The following ZNF318 variants were observed in gnomAD, a reference collection of about 807,000 sequenced individuals.
ZNF318 encodes the protein endocrine regulator.
ZNF318 carries 51 observed loss-of-function variants against 124.2 expected under a neutral mutation model. The observed-to-expected ratio is 0.41, with a 90% confidence interval of 0.33 to 0.52. ZNF318 has a LOEUF of 0.52. Ranked by LOEUF, ZNF318 falls within the 20% of genes least tolerant of loss-of-function variation. The pLI is 0.23. For missense variants in ZNF318, 2,815 were observed against 2,811.2 expected (o/e 1.00, Z -0.03); for synonymous variants, 1,090 against 1,040.7 (o/e 1.05, Z -0.91).
chr6:43,344,577 T>C (rs1490472658), intron 6 of ZNF318, among the ~76,000 whole-genome samples: 2 of 152,222 alleles, frequency 1.3e-5, no homozygotes, highest in Non-Finnish European at 2.9e-5. Context: ...AATATCACTT[T>C]ATCCAAAATA....
rs751343767 is a variant in ZNF318 at position 43,357,380 on chromosome 6, C to T, written c.934G>A (p.Asp312Asn). Residue 312 changes from aspartate to asparagine, a missense_variant, in exon 3 of 10, where the codon GAC becomes AAC. Physicochemically the swap from Asp to Asn is conservative, Grantham distance 23. Transcript: ENST00000361428. Reference sequence around the variant, plus strand: ...AGATCCAGTTCTCGAAACTCAGGGTCGAGAAACCTAGGACTTGGGCTTCTT... The same window carrying T: ...AGATCCAGTTCTCGAAACTCAGGGTTGAGAAACCTAGGACTTGGGCTTCTT... The part of the protein sequence containing the change: ...RRRSPSPRFL[D>N]PEFRELDLAR... 9 of 1,614,024 alleles carry T rather than the reference C, an allele frequency of 5.6e-6. No homozygotes were observed. In the East Asian group the frequency reaches 6.7e-5, roughly 12 times the overall value.
Position 43,354,771 on chromosome 6 carries a change from A to G in ZNF318, c.2563T>C (p.Ser855Pro), listed in dbSNP as rs377680520. 175 of 1,614,062 alleles carry G rather than the reference A, an allele frequency of 1.1e-4. No homozygotes were observed. The highest frequency in any genetic ancestry group is 1.5e-4 in the Non-Finnish European group (172 of 1,180,034). ...ACAGGCACTTGGGCCGCAGGAATTG[A>G]GCCTCGCAGAGACTCTTTCTGCTTA... ...KPKQKESLRG[S>P]IPAAQVPVQV... Residue 855 changes from serine to proline, a missense_variant, in exon 4 of 10, where the codon TCA becomes CCA. Ser to Pro is a moderately conservative substitution (Grantham distance 74). Around this residue, in one of 4 missense-constraint regions of ZNF318, gnomAD observed 1,377 missense variants for 1,353.5 expected, o/e 1.02. Transcript: ENST00000361428.
chr6:43,352,518 A>G (rs1271267899), intron 4 of ZNF318, 42 bp from the exon 5 acceptor site: 4 of 1,551,482 alleles, frequency 2.6e-6, no homozygotes, highest in Non-Finnish European at 8.9e-7. Context: ...CTCCTCCAAC[A>G]TTCTCTTTTC....
chr6:43,350,611 TCAG>T lies in ZNF318; in HGVS notation c.2770+1763_2770+1765del, dbSNP rs563783669. Reference sequence around the variant, plus strand: ...CTAGCACTTTGGGAGGCTGCAGAGCTCAGGAGTTTTGAGACCAGCCTTGGCAAC... The same window carrying T: ...CTAGCACTTTGGGAGGCTGCAGAGCTGAGTTTTGAGACCAGCCTTGGCAAC... On this transcript the variant is annotated intron_variant, in intron 5 of 9. Coordinates refer to ENST00000361428, the MANE Select transcript of ZNF318 (RefSeq NM_014345.3). Among the ~76,000 whole-genome samples, 8 of 151,704 alleles carry T rather than the reference TCAG, an allele frequency of 5.3e-5. No homozygotes were observed. The South Asian group carries it at 1.0e-3, about 20-fold the overall frequency.
rs773179598 is a variant in ZNF318, at chr6:43,338,903, A to T, written c.5095T>A (p.Trp1699Arg). The T allele has an allele frequency of 1.4e-5, 22 of 1,614,022 alleles. No homozygotes were observed. Among genetic ancestry groups the T allele is most frequent in the Non-Finnish European group, 1.8e-5 (21 of 1,180,036 alleles). Residue 1699 changes from tryptophan to arginine, a missense_variant, in exon 10 of 10, where the codon TGG becomes AGG. Physicochemically the swap from Trp to Arg is moderately radical, Grantham distance 101. Transcript: ENST00000361428. ...TCACTCTGGAAGGAACTAGAGGTCC[A>T]TATGGCCAAAGTGTCTGTCTTTGGG... ...ITPKTDTLAIWTSSSFQSDTS... is the reference protein window; with the variant it reads ...ITPKTDTLAIRTSSSFQSDTS...
chr6:43,365,195 G>A, intron 2 of ZNF318, 97 bp downstream of exon 2: 11 of 1,379,690 alleles, frequency 8.0e-6, no homozygotes, highest in South Asian at 4.1e-5. Context: ...AATAACTTTA[G>A]AGCTGGCACC....
At chr6:43,353,673 C>T (rs1779564477) in intron 4 of ZNF318, among the ~76,000 whole-genome samples, 1 of 152,164 alleles carries the variant, frequency 6.6e-6, no homozygotes, top group Non-Finnish European at 1.5e-5. Context: ...CACGCCCAGC[C>T]AGGTCTTAAC....
At chr6:43,363,777 G>A in intron 2 of ZNF318, 1 of 681,600 alleles carries the variant, frequency 1.5e-6, no homozygotes, top group Non-Finnish European at 2.6e-6. Context: ...CTGGCCAGTT[G>A]AAAAGGTTCA....
At chr6:43,352,139 G>A (rs896840859) in intron 5 of ZNF318, among the ~76,000 whole-genome samples, 3 of 58,910 alleles carry the variant, frequency 5.1e-5, no homozygotes, top group Non-Finnish European at 8.7e-5. Flanking sequence ...GCAAAACTTC[G>A]TCTCAAATCA....
In ZNF318 at chr6:43,355,647, T is replaced by C. The variant is rs1554195329; in HGVS notation, c.1687A>G (p.Met563Val). ...GGCAGGGAGCTTGCCTTCTGCCTCA[T>C]AACTTCACTCTCAGAGCTCCCAAGG... Reference protein sequence around the residue: ...KPLGSSESEVMRQKASSLPSS... With the variant: ...KPLGSSESEVVRQKASSLPSS... Residue 563 changes from methionine (M) to valine (V), a missense_variant, in exon 4 of 10, where the codon ATG (methionine) becomes GTG (valine). This residue lies in a region of ZNF318 where 1,377 missense variants were observed against 1,353.5 expected (regional missense o/e 1.02). Transcript: ENST00000361428. 1.2e-6 allele frequency: 2 copies of C among 1,614,214 alleles called. No homozygotes were observed. Among genetic ancestry groups the C allele is most frequent in the East Asian group, 4.5e-5 (2 of 44,890 alleles).
chr6:43,339,297 G>T lies in ZNF318; in HGVS notation c.4701C>A (p.Asp1567Glu). The T allele has an allele frequency of 6.2e-7, 1 of 1,614,150 alleles. No individual in the cohort carries two copies. ...CACTACTATAGAATATGTCATACAG[G>T]TCCTTAGCATTGGCTGTGGCTAAGC... ...NSCLATANAK[D>E]LYDIFYSSGG... Residue 1567 changes from aspartate (D) to glutamate (E), a missense_variant, in exon 10 of 10, where the codon GAC becomes GAA. Coordinates refer to ENST00000361428, the MANE Select transcript of ZNF318 (RefSeq NM_014345.3). This position sits in a 1 kb window ranked among gnomAD's most constrained non-coding sequence, Gnocchi z 4.2.
At chr6:43,364,284 C>T (rs911395229) in intron 2 of ZNF318, 8 of 424,658 alleles carry the variant, frequency 1.9e-5, no homozygotes, top group Admixed American at 3.6e-5. Context: ...CCAGCTGTGG[C>T]TACAACATAG....
In ZNF318 at chr6:43,357,677, G is replaced by T. The variant is rs755264149; in HGVS notation, c.637C>A (p.Leu213Ile). 7 of 1,613,486 alleles carry T rather than the reference G, an allele frequency of 4.3e-6. 1 individual carries two copies. The South Asian group carries it at 7.7e-5, about 18-fold the overall frequency. The change falls in exon 3 of 10, where the codon CTC becomes ATC. Residue 213 changes from leucine to isoleucine, a missense_variant. Physicochemically the swap from Leu to Ile is conservative, Grantham distance 5. Around this residue, in one of 4 missense-constraint regions of ZNF318, gnomAD observed 1,377 missense variants for 1,353.5 expected, o/e 1.02. Transcript: ENST00000361428. Reference protein sequence around the residue: ...ERYISQEEGPLSPFLGQLDED... With the variant: ...ERYISQEEGPISPFLGQLDED... ...TCAAGTTGTCCCAAGAAGGGACTGA[G>T]AGGCCCTTCCTCCTGGGAAATATAT...
At chr6:43,366,528 A>C (rs916448915) in intron 1 of ZNF318, among the ~76,000 whole-genome samples, 5 of 152,108 alleles carry the variant, frequency 3.3e-5, no homozygotes, top group African/African-American at 1.2e-4. Flanking sequence ...CAGGCATGGT[A>C]GCTTATGCCT....
At chr6:43,363,775 T>A in intron 2 of ZNF318, 1 of 675,692 alleles carries the variant, frequency 1.5e-6, no homozygotes, top group Non-Finnish European at 2.6e-6. Context: ...CACTGGCCAG[T>A]TGAAAAGGTT....
chr6:43,354,536 A>AT (rs1259266694), intron 4 of ZNF318, 128 bp downstream of exon 4: 2 of 798,910 alleles, frequency 2.5e-6, no homozygotes, highest in African/African-American at 1.7e-5. Flanking sequence ...TCTTAGGATG[A>AT]TGACAGCAGC....
intron 6 of ZNF318, among the ~76,000 whole-genome samples, chr6:43,344,086 G>C (rs1345176016): frequency 6.6e-6 from 1 of 152,086 alleles, no homozygotes; most frequent in Non-Finnish European, 1.5e-5. Context: ...TGAAGAGCTG[G>C]GTACCTGGAA....
intron 1 of ZNF318, among the ~76,000 whole-genome samples, chr6:43,367,739 C>G (rs1226798198): frequency 1.3e-5 from 2 of 152,176 alleles, no homozygotes; most frequent in African/African-American, 2.4e-5. Context: ...TGACTGCCAC[C>G]CACACTGGCA....
At chr6:43,359,490 T>A (rs1240708153) in intron 2 of ZNF318, among the ~76,000 whole-genome samples, 2 of 152,228 alleles carry the variant, frequency 1.3e-5, no homozygotes, top group Non-Finnish European at 1.5e-5. Flanking sequence ...TTCTAAGTAC[T>A]CTGAATAAAA....
Sources: gnomAD v4.1 joint callset for allele counts (sites outside exome capture counted in the v4.1 genomes callset) on GRCh38, gnomAD v4.1.1 for gene constraint, gnomAD v4.1.1 regional missense constraint, Gnocchi (gnomAD v3.1) non-coding constraint, MANE v1.5 for transcripts, NCBI Gene and HGNC (gene_info 2026-07-23, HGNC 2026-07-21) for gene names.